Variants in MBD2 observed in about 807,000 individuals in gnomAD.
The protein encoded by MBD2 is methyl-CpG-binding domain protein 2.
A neutral mutation model predicts 39.3 loss-of-function variants in MBD2; 9 were observed. The observed-to-expected ratio is 0.23, with a 90% CI of 0.14 to 0.40. The LOEUF (loss-of-function observed/expected upper bound fraction) is 0.40, where lower values mean the gene tolerates loss of function less well. Among genes scored for constraint, MBD2 ranks in the 10% least tolerant of loss-of-function variants. The probability of loss-of-function intolerance (pLI) is 1.00; values close to 1 mark genes in which losing one functional copy is unlikely to be tolerated. For missense variants in MBD2, 458 were observed against 532.6 expected (o/e 0.86, Z 1.38); for synonymous variants, 233 against 211.1 (o/e 1.10, Z -0.90).
chr18:54,195,976 C>T (rs775189435), intron 2 of MBD2, among the ~76,000 whole-genome samples: 2 of 152,100 alleles, frequency 1.3e-5, no homozygotes, highest in Non-Finnish European at 1.5e-5. Flanking sequence ...AGAATATATA[C>T]GGTAGTCCAT....
chr18:54,161,503 G>T (rs1353285647), intron 5 of MBD2, among the ~76,000 whole-genome samples: 1 of 152,218 alleles, frequency 6.6e-6, no homozygotes, highest in Non-Finnish European at 1.5e-5. Flanking sequence ...TTCACTGGCA[G>T]TCTCTCACTA....
chr18:54,162,132 C>T (rs1282393028), intron 5 of MBD2, among the ~76,000 whole-genome samples: 3 of 152,260 alleles, frequency 2.0e-5, no homozygotes, highest in Non-Finnish European at 2.9e-5. Flanking sequence ...GAACACAGTC[C>T]GGTGACACTT....
At chr18:54,163,661 T>C (rs2086111428) in intron 5 of MBD2, among the ~76,000 whole-genome samples, 1 of 152,184 alleles carries the variant, frequency 6.6e-6, no homozygotes, top group Non-Finnish European at 1.5e-5. Flanking sequence ...TTAGAAAGAG[T>C]GAAAGATGTC....
rs1343360242 is a variant in MBD2 at position 54,151,794 on chromosome 18, A to G, written c.*3530T>C. On this transcript the variant is annotated 3_prime_UTR_variant, in exon 7 of 7. Transcript: ENST00000256429. The stretch of plus-strand genomic sequence containing the variant: ...CAAACGAGTAATCTTATATTCAAAG[A>G]GATTGTATAACACTCTCTAGATCTC... The G allele has an allele frequency of 1.3e-5, 2 of 150,184 alleles. No homozygotes were observed. The highest frequency in any genetic ancestry group is 3.0e-5 in the Non-Finnish European group (2 of 67,646). The allele number at this position is 150,184 out of a possible 1,614,324, so 9.3% of individuals were successfully genotyped here. A position where few individuals can be genotyped will look rare whatever the true frequency, so the allele number is the denominator to read the frequency against.
chr18:54,223,983 A>ATTC, intron 1 of MBD2, 35 bp downstream of exon 1: 1 of 745,318 alleles, frequency 1.3e-6, no homozygotes, highest in Non-Finnish European at 2.2e-6. Context: ...CCCCGGCCTG[A>ATTC]CCCCGCCACC....
At chr18:54,160,015 G>T in intron 5 of MBD2, 112 bp from the exon 6 acceptor site, 1 of 1,240,936 alleles carries the variant, frequency 8.1e-7, no homozygotes, top group East Asian at 2.5e-5. Flanking sequence ...AAGAAGAATA[G>T]ACTTCCTTTT....
intron 2 of MBD2, chr18:54,203,177 A>G: frequency 6.3e-7 from 1 of 1,585,040 alleles, no homozygotes. Flanking sequence ...AGTGTCAGAA[A>G]ATAAATCTGC....
chr18:54,189,358 G>A (rs570967727), intron 2 of MBD2, among the ~76,000 whole-genome samples: 8 of 151,924 alleles, frequency 5.3e-5, no homozygotes, highest in Admixed American at 5.2e-4. Flanking sequence ...CGAGTAGCTG[G>A]GACTACAGGC....
intron 1 of MBD2, among the ~76,000 whole-genome samples, chr18:54,210,374 G>T (rs938835784): frequency 6.6e-6 from 1 of 151,982 alleles, no homozygotes; most frequent in South Asian, 2.1e-4. Flanking sequence ...ATATTTTGTC[G>T]CACTGTGAAC....
chr18:54,161,763 A>G (rs1457521758), intron 5 of MBD2, among the ~76,000 whole-genome samples: 1 of 152,006 alleles, frequency 6.6e-6, no homozygotes, highest in Non-Finnish European at 1.5e-5. Context: ...CCCCAAAACC[A>G]CCCTTACGTG....
At chr18:54,156,379 G>T (rs1202828372) in intron 6 of MBD2, among the ~76,000 whole-genome samples, 1 of 152,110 alleles carries the variant, frequency 6.6e-6, no homozygotes, top group Admixed American at 6.5e-5. Context: ...TACTTTTAAA[G>T]AACTGATTAA....
intron 1 of MBD2, among the ~76,000 whole-genome samples, chr18:54,221,793 T>A (rs1048382585): frequency 6.6e-6 from 1 of 152,050 alleles, no homozygotes; most frequent in African/African-American, 2.4e-5. Context: ...AAATTTAACA[T>A]CAGAAAATTT....
intron 3 of MBD2, among the ~76,000 whole-genome samples, chr18:54,177,071 A>G (rs934976844): frequency 6.6e-6 from 1 of 152,232 alleles, no homozygotes; most frequent in Non-Finnish European, 1.5e-5. Flanking sequence ...TCCTAAGATG[A>G]CCATGGAATA....
intron 6 of MBD2, among the ~76,000 whole-genome samples, chr18:54,157,115 A>G (rs917924435): frequency 6.6e-5 from 10 of 152,112 alleles, no homozygotes; most frequent in African/African-American, 2.4e-4. Flanking sequence ...CCTCTGAAAG[A>G]CTTCCAGCAT....
chr18:54,199,515 A>G (rs2086390182), intron 2 of MBD2, among the ~76,000 whole-genome samples: 1 of 152,176 alleles, frequency 6.6e-6, no homozygotes. Flanking sequence ...GGAGTTCTCA[A>G]AGTGTGACCT....
At position 54,224,543 on chromosome 18, in the gene MBD2, C is replaced by A; in HGVS notation, c.17G>T (p.Gly6Val). The A allele has an allele frequency of 4.1e-6, 5 of 1,230,212 alleles. No individual in the cohort carries two copies. Among genetic ancestry groups the A allele is most frequent in the Non-Finnish European group, 5.1e-6 (5 of 986,816 alleles). The allele number at this position is 1,230,212 out of a possible 1,614,324, so 76.2% of individuals were successfully genotyped here. A position where few individuals can be genotyped will look rare whatever the true frequency, so the allele number is the denominator to read the frequency against. Residue 6 changes from glycine (G) to valine (V), a missense_variant, in exon 1 of 7, where the codon GGG becomes GTG. This residue lies in a region of MBD2 where 269 missense variants were observed against 236.0 expected (regional missense o/e 1.14). Coordinates refer to ENST00000256429, the MANE Select transcript of MBD2 (RefSeq NM_003927.5). MRAHP[G>V]GGRCCPEQEE... ...CTGCTCCGGGCAGCAGCGGCCTCCC[C>A]CCGGGTGCGCGCGCATCCAGCCCCC... is the stretch of plus-strand genomic sequence containing the variant.
In MBD2 at chr18:54,155,087, T is replaced by C. The variant is rs1405736421; in HGVS notation, c.*237A>G. On this transcript the variant is annotated 3_prime_UTR_variant, in exon 7 of 7. Coordinates refer to ENST00000256429, the MANE Select transcript of MBD2 (RefSeq NM_003927.5). ...GCTCAGCTTCATCTTAGGGTCCTGC[T>C]TGATATTACAAAAGACTAATTTTAA... is the stretch of plus-strand genomic sequence containing the variant. 3.9e-5 allele frequency: 6 copies of C among 152,568 alleles called. No individual in the cohort carries two copies. Among genetic ancestry groups the C allele is most frequent in the Non-Finnish European group, 8.8e-5 (6 of 68,028 alleles). 9.5% of individuals were successfully genotyped at this position (152,568 alleles called of 1,614,324 possible).
intron 3 of MBD2, among the ~76,000 whole-genome samples, chr18:54,182,159 T>C (rs1449684722): frequency 6.6e-6 from 1 of 152,234 alleles, no homozygotes; most frequent in Non-Finnish European, 1.5e-5. Context: ...ATAAATAATT[T>C]TTGAATGAAT....
chr18:54,192,699 A>G (rs1422847269), intron 2 of MBD2, among the ~76,000 whole-genome samples: 1 of 152,202 alleles, frequency 6.6e-6, no homozygotes, highest in Non-Finnish European at 1.5e-5. Context: ...CAACTACTCT[A>G]AACTGTTTCA....
Sources: gnomAD v4.1 joint callset for allele counts (sites outside exome capture counted in the v4.1 genomes callset) on GRCh38, gnomAD v4.1.1 for gene constraint, gnomAD v4.1.1 regional missense constraint, MANE v1.5 for transcripts, NCBI Gene and HGNC (gene_info 2026-07-23, HGNC 2026-07-21) for gene names.